PRKD1: variants seen among roughly 807,000 people sequenced by gnomAD.
The protein encoded by PRKD1 is protein kinase D1.
PRKD1 carries 63 observed loss-of-function variants against 95.9 expected under a neutral mutation model. That is an observed-to-expected ratio of 0.66 (90% CI 0.54 to 0.81). The LOEUF (loss-of-function observed/expected upper bound fraction) is 0.81. Among genes scored for constraint, PRKD1 ranks in the 30% least tolerant of loss-of-function variants. PRKD1 has a pLI of 0.00. For missense variants in PRKD1, 1,048 were observed against 1,165.3 expected (o/e 0.90, Z 1.47); for synonymous variants, 425 against 423.1 (o/e 1.00, Z -0.05).
intron 1 of PRKD1, among the ~76,000 whole-genome samples, chr14:29,919,460 T>A (rs985363955): frequency 2.0e-4 from 29 of 147,240 alleles, no homozygotes; most frequent in African/African-American, 7.3e-4. Context: ...CCAGAAAAAG[T>A]AAGAAACAGA....
intron 4 of PRKD1, among the ~76,000 whole-genome samples, chr14:29,640,803 GTTCTC>G (rs1880708129): frequency 6.6e-6 from 1 of 152,148 alleles, no homozygotes; most frequent in Middle Eastern, 3.2e-3. Flanking sequence ...GATTTAACAT[GTTCTC>G]AGATTTGGGA....
intron 1 of PRKD1, among the ~76,000 whole-genome samples, chr14:29,763,179 C>T (rs1351618710): frequency 6.8e-6 from 1 of 146,908 alleles, no homozygotes; most frequent in Non-Finnish European, 1.5e-5. Flanking sequence ...CATCTGCAGT[C>T]CCAGCTACTT....
chr14:29,831,627 C>G (rs945934420), intron 1 of PRKD1, among the ~76,000 whole-genome samples: 2 of 151,978 alleles, frequency 1.3e-5, no homozygotes, highest in African/African-American at 4.8e-5. Flanking sequence ...TGCCACCACA[C>G]CCAGCTAATT....
chr14:29,877,690 C>T (rs1378815998), intron 1 of PRKD1, among the ~76,000 whole-genome samples: 1 of 152,284 alleles, frequency 6.6e-6, no homozygotes, highest in Admixed American at 6.5e-5. Context: ...GGTCCAGTTT[C>T]ACTCTTCTGC....
chr14:29,787,731 C>T (rs974867206), intron 1 of PRKD1, among the ~76,000 whole-genome samples: 14 of 151,988 alleles, frequency 9.2e-5, no homozygotes, highest in Admixed American at 1.3e-4. Flanking sequence ...TACAGTTTCT[C>T]ATAGGTGAAG....
chr14:29,634,459 T>A lies in PRKD1; in HGVS notation c.1273A>T (p.Lys425Ter), dbSNP rs1317669464. 6.2e-7 allele frequency: 1 copy of A among 1,613,990 alleles called. No homozygotes were observed. Among genetic ancestry groups the A allele is most frequent in the East Asian group, 2.2e-5 (1 of 44,878 alleles). ...GTGTAGTGGACCATCCATCCTTCTT[T>A]CATGACTGTGCTGCTTTTCCTCTTC... ...HTKRKSSTVM[K>*]EGWMVHYTSK... The change falls in exon 8 of 18, where the codon AAA (lysine) becomes TAA (stop). Residue 425 changes from lysine (K) to a stop codon, truncating the protein, a stop_gained. Coordinates refer to ENST00000331968, the MANE Select transcript of PRKD1 (RefSeq NM_002742.3). LOFTEE classifies it high-confidence loss of function.
chr14:29,641,898 C>CTTTTTTTT (rs751584936), intron 4 of PRKD1, among the ~76,000 whole-genome samples: 14 of 116,674 alleles, frequency 1.2e-4, no homozygotes, highest in East Asian at 4.7e-4. Flanking sequence ...AAAAATATTT[C>CTTTTTTTT]TTTTTTTTTT....
intron 2 of PRKD1, among the ~76,000 whole-genome samples, chr14:29,700,166 G>A (rs143726333): frequency 1.1e-3 from 167 of 149,458 alleles, no homozygotes; most frequent in African/African-American, 4.0e-3. Context: ...CAAATTTTAG[G>A]GTACATTTCT....
intron 13 of PRKD1, among the ~76,000 whole-genome samples, chr14:29,608,956 A>C (rs947289432): frequency 1.3e-5 from 2 of 152,220 alleles, no homozygotes; most frequent in Admixed American, 6.5e-5. Flanking sequence ...AATTATGTTA[A>C]TATGTACTGT....
intron 16 of PRKD1, among the ~76,000 whole-genome samples, chr14:29,596,525 C>T (rs1200305280): frequency 6.6e-6 from 1 of 152,168 alleles, no homozygotes; most frequent in Admixed American, 6.5e-5. Context: ...GCAATCTCAG[C>T]TCATTGCAAC....
At chr14:29,821,980 C>T (rs895739808) in intron 1 of PRKD1, among the ~76,000 whole-genome samples, 14 of 152,102 alleles carry the variant, frequency 9.2e-5, no homozygotes, top group African/African-American at 2.9e-4. Context: ...CAATCATCTA[C>T]CCTCTCATAG....
At chr14:29,710,769 G>C (rs983963530) in intron 2 of PRKD1, among the ~76,000 whole-genome samples, 2 of 152,134 alleles carry the variant, frequency 1.3e-5, no homozygotes, top group Non-Finnish European at 2.9e-5. Flanking sequence ...ATCTGGGTGA[G>C]ACAAACTGTG....
intron 13 of PRKD1, among the ~76,000 whole-genome samples, chr14:29,602,834 T>C (rs1054619916): frequency 5.9e-5 from 9 of 152,210 alleles, no homozygotes; most frequent in Non-Finnish European, 8.8e-5. Context: ...AGAACTTTAA[T>C]ACATGTTTAT....
intron 1 of PRKD1, among the ~76,000 whole-genome samples, chr14:29,839,698 A>G (rs1306730256): frequency 1.3e-4 from 20 of 151,870 alleles, no homozygotes. Flanking sequence ...ATCCTCTGAA[A>G]TCTAGGCAGA....
chr14:29,886,800 AGACT>A (rs1893722982), intron 1 of PRKD1, among the ~76,000 whole-genome samples: 1 of 152,242 alleles, frequency 6.6e-6, no homozygotes, highest in African/African-American at 2.4e-5. Context: ...ACCAAAAGGT[AGACT>A]GAACAATTAT....
intron 1 of PRKD1, among the ~76,000 whole-genome samples, chr14:29,885,489 A>C (rs1594602796): frequency 6.6e-6 from 1 of 152,180 alleles, no homozygotes; most frequent in East Asian, 1.9e-4. Flanking sequence ...CTGTACTTAA[A>C]AGTACATGTC....
intron 1 of PRKD1, among the ~76,000 whole-genome samples, chr14:29,791,277 T>C (rs1566603623): frequency 6.6e-6 from 1 of 152,202 alleles, no homozygotes; most frequent in East Asian, 1.9e-4. Context: ...AGCAACATGA[T>C]AGGTGCTTTC....
intron 16 of PRKD1, among the ~76,000 whole-genome samples, chr14:29,582,035 T>G (rs2138954626): frequency 6.6e-6 from 1 of 152,288 alleles, no homozygotes; most frequent in East Asian, 1.9e-4. Flanking sequence ...CTATTTTTTT[T>G]TTCAAATGCT....
chr14:29,609,826 T>C (rs1878328339), intron 13 of PRKD1, among the ~76,000 whole-genome samples: 1 of 151,544 alleles, frequency 6.6e-6, no homozygotes, highest in African/African-American at 2.4e-5. Context: ...CCCAAAGTGC[T>C]GAAATTACAG....
Sources: gnomAD v4.1 joint callset for allele counts (sites outside exome capture counted in the v4.1 genomes callset) on GRCh38, gnomAD v4.1.1 for gene constraint, MANE v1.5 for transcripts, NCBI Gene and HGNC (gene_info 2026-07-23, HGNC 2026-07-21) for gene names.